COMMD1: variants seen among roughly 807,000 people sequenced by gnomAD.
The protein encoded by COMMD1 is copper metabolism domain containing 1.
In COMMD1, 10 loss-of-function variants were observed where a neutral mutation model predicts 17.2. That is an observed-to-expected ratio of 0.58 (90% CI 0.36 to 0.99). COMMD1 has a LOEUF of 0.99. COMMD1 is among the 50% of genes least tolerant of loss of function. The pLI is 0.01. For synonymous variants in COMMD1, 97 were observed against 91.6 expected, an observed-to-expected ratio of 1.06 and a Z score of -0.34; for missense variants, 270 against 231.8, an observed-to-expected ratio of 1.17 and a Z score of -1.07.
At chr2:62,066,896 T>C (rs1030476929) in intron 2 of COMMD1, among the ~76,000 whole-genome samples, 1 of 151,368 alleles carries the variant, frequency 6.6e-6, no homozygotes, top group African/African-American at 2.4e-5. Context: ...TGGCTAAGTT[T>C]TGTATTTTTA....
chr2:62,095,803 C>A (rs1573179928), intron 2 of COMMD1, among the ~76,000 whole-genome samples: 1 of 45,030 alleles, frequency 2.2e-5, no homozygotes, highest in Non-Finnish European at 4.0e-5. Context: ...AGTTTCACAG[C>A]ATGCATATAT....
chr2:62,009,430 C>A lies in COMMD1; in HGVS notation c.462+8448C>A, dbSNP rs181029883. On this transcript the variant is annotated intron_variant, in intron 2 of 2. Coordinates refer to ENST00000311832, the MANE Select transcript of COMMD1 (RefSeq NM_152516.4). ...GATCAGCCTGGGCAACTTGGTAAAA[C>A]CCAGTCTCTACTGAAAATACAAAAG... Among the ~76,000 whole-genome samples the A allele has an allele frequency of 2.0e-5, 3 of 151,986 alleles. No homozygotes were observed. The East Asian group carries it at 5.8e-4, about 29-fold the overall frequency.
At chr2:62,104,576 G>A (rs1175596345) in intron 2 of COMMD1, among the ~76,000 whole-genome samples, 1 of 147,214 alleles carries the variant, frequency 6.8e-6, no homozygotes, top group Admixed American at 6.9e-5. Flanking sequence ...AGAGGCAGCA[G>A]TGAGTCGAGA....
chr2:62,055,399 G>T, intron 2 of COMMD1: 1 of 455,920 alleles, frequency 2.2e-6, no homozygotes, highest in Non-Finnish European at 4.4e-6. Flanking sequence ...AAAGAAAGCT[G>T]CATTGAAAAG....
chr2:62,063,898 T>TATATA (rs1438732823), intron 2 of COMMD1, among the ~76,000 whole-genome samples: 20 of 126,308 alleles, frequency 1.6e-4, no homozygotes, highest in Non-Finnish European at 1.8e-4. Flanking sequence ...TATATATATA[T>TATATA]TAGCCAGGCA....
At chr2:62,076,716 C>T (rs1671346036) in intron 2 of COMMD1, among the ~76,000 whole-genome samples, 1 of 152,140 alleles carries the variant, frequency 6.6e-6, no homozygotes. Flanking sequence ...CACTGCACTC[C>T]AGTCTGGGCA....
intron 2 of COMMD1, among the ~76,000 whole-genome samples, chr2:62,089,003 T>A (rs768847428): frequency 6.6e-6 from 1 of 152,232 alleles, no homozygotes; most frequent in Non-Finnish European, 1.5e-5. Context: ...ATTGGTTAAG[T>A]TTATCTAAGG....
chr2:61,920,975 A>ATG (rs1399921970), intron 1 of COMMD1, among the ~76,000 whole-genome samples: 1 of 135,344 alleles, frequency 7.4e-6, no homozygotes, highest in African/African-American at 2.9e-5. Flanking sequence ...GTATATATAT[A>ATG]TATATATTTT....
intron 1 of COMMD1, among the ~76,000 whole-genome samples, chr2:61,920,648 G>T (rs1670166461): frequency 1.3e-5 from 2 of 152,144 alleles, no homozygotes; most frequent in South Asian, 4.2e-4. Context: ...AACTGAGATG[G>T]TAAGTTAGTT....
At chr2:61,932,572 A>G (rs1670497536) in intron 1 of COMMD1, among the ~76,000 whole-genome samples, 1 of 152,224 alleles carries the variant, frequency 6.6e-6, no homozygotes, top group Non-Finnish European at 1.5e-5. Flanking sequence ...CAGATTTCAT[A>G]TGTTGGAAAC....
intron 1 of COMMD1, among the ~76,000 whole-genome samples, chr2:61,936,183 A>G (rs1362542722): frequency 2.0e-5 from 3 of 152,116 alleles, no homozygotes; most frequent in Non-Finnish European, 4.4e-5. Context: ...TGATGCACCT[A>G]TTAGCGTCTC....
intron 2 of COMMD1, among the ~76,000 whole-genome samples, chr2:62,060,644 C>T (rs1281575829): frequency 6.6e-6 from 1 of 152,136 alleles, no homozygotes; most frequent in Non-Finnish European, 1.5e-5. Flanking sequence ...TTTCCTTTAG[C>T]ATTTCTTGTT....
intron 1 of COMMD1, among the ~76,000 whole-genome samples, chr2:61,951,346 G>A (rs1671048620): frequency 6.6e-6 from 1 of 152,034 alleles, no homozygotes; most frequent in Non-Finnish European, 1.5e-5. Context: ...TGTAGTCCTA[G>A]CTACTTGGGA....
chr2:62,036,478 G>A (rs1360560829), intron 2 of COMMD1, among the ~76,000 whole-genome samples: 3 of 152,162 alleles, frequency 2.0e-5, no homozygotes, highest in Non-Finnish European at 4.4e-5. Context: ...CATAGTCTTC[G>A]TAGTCTTTAA....
intron 1 of COMMD1, among the ~76,000 whole-genome samples, chr2:61,940,004 T>C (rs1239644480): frequency 6.6e-6 from 1 of 152,200 alleles, no homozygotes. Context: ...TTTGAACACC[T>C]TTATTTCCAT....
intron 1 of COMMD1, among the ~76,000 whole-genome samples, chr2:61,957,109 T>C (rs979656056): frequency 3.3e-5 from 5 of 151,160 alleles, no homozygotes; most frequent in African/African-American, 1.2e-4. Context: ...TGTGTGTGTG[T>C]GTGTGTGTGT....
At chr2:62,001,689 AC>A (rs1193351053) in intron 2 of COMMD1, among the ~76,000 whole-genome samples, 2 of 152,216 alleles carry the variant, frequency 1.3e-5, no homozygotes, top group African/African-American at 2.4e-5. Flanking sequence ...TTAGCTAATC[AC>A]ATTTATTTTC....
intron 2 of COMMD1, among the ~76,000 whole-genome samples, chr2:62,125,630 AT>A (rs1672865695): frequency 6.6e-6 from 1 of 152,212 alleles, no homozygotes; most frequent in Admixed American, 6.5e-5. Flanking sequence ...TAAAGAAAAA[AT>A]ATTATGTCAC....
chr2:61,890,703 TG>T (rs1669408129), intron 1 of COMMD1, among the ~76,000 whole-genome samples: 1 of 150,140 alleles, frequency 6.7e-6, no homozygotes, highest in African/African-American at 2.5e-5. Context: ...TAACCGGGGG[TG>T]TAATCCCAGC....
Sources: allele counts gnomAD v4.1 joint callset (sites outside exome capture counted in the v4.1 genomes callset), GRCh38; gene constraint gnomAD v4.1.1; transcripts MANE v1.5; gene names NCBI Gene and HGNC (gene_info 2026-07-23, HGNC 2026-07-21).